The following CEP192 variants were observed in gnomAD, a reference collection of about 807,000 sequenced individuals.
CEP192 encodes centrosomal protein 192, also known as centrosomal protein of 192 kDa.
CEP192 carries 151 observed loss-of-function variants against 271.8 expected under a neutral mutation model. The ratio of observed to expected loss-of-function variants is 0.56; its 90% CI spans 0.49 to 0.64. The LOEUF is 0.64. Among genes scored for constraint, CEP192 ranks in the 30% least tolerant of loss-of-function variants. The pLI is 0.00. For missense variants in CEP192, 2,910 were observed against 3,020.5 expected, an observed-to-expected ratio of 0.96 and a Z score of 0.86; for synonymous variants, 995 against 1,076.5, an observed-to-expected ratio of 0.92 and a Z score of 1.48.
At chr18:13,080,637 C>T (rs1033302094) in intron 30 of CEP192, among the ~76,000 whole-genome samples, 2 of 152,188 alleles carry the variant, frequency 1.3e-5, no homozygotes, top group African/African-American at 2.4e-5. Flanking sequence ...ATTTCTTTCT[C>T]TTGCCTGATT....
intron 28 of CEP192, among the ~76,000 whole-genome samples, 161 bp downstream of exon 28, chr18:13,071,373 T>G (rs575031540): frequency 6.6e-6 from 1 of 152,346 alleles, no homozygotes; most frequent in South Asian, 2.1e-4. Flanking sequence ...ATTCAGCTTT[T>G]CTTTAACATA....
intron 4 of CEP192, among the ~76,000 whole-genome samples, chr18:13,010,057 G>A (rs2034245142): frequency 6.6e-6 from 1 of 152,052 alleles, no homozygotes; most frequent in African/African-American, 2.4e-5. Flanking sequence ...TACTTGGGAG[G>A]CTGAGGTGGG....
intron 36 of CEP192, among the ~76,000 whole-genome samples, chr18:13,099,193 G>GGGGAGA (rs957096589): frequency 2.3e-4 from 35 of 149,648 alleles, no homozygotes; most frequent in Admixed American, 1.3e-3. Context: ...GGAGGGGGAG[G>GGGGAGA]GGGAGAGGGA....
intron 5 of CEP192, 124 bp downstream of exon 5, chr18:13,013,149 C>T (rs150769834): frequency 1.5e-5 from 8 of 544,596 alleles, no homozygotes; most frequent in African/African-American, 1.4e-4. Flanking sequence ...AGAGCTCTAA[C>T]TTATCCAGCT....
chr18:13,045,412 C>G (rs916934041), intron 15 of CEP192, among the ~76,000 whole-genome samples: 5 of 152,108 alleles, frequency 3.3e-5, no homozygotes, highest in African/African-American at 4.8e-5. Flanking sequence ...GTACTGTAGT[C>G]AGAGAATTTT....
chr18:13,099,057 G>A (rs988049786), intron 36 of CEP192, among the ~76,000 whole-genome samples: 2 of 152,028 alleles, frequency 1.3e-5, no homozygotes, highest in African/African-American at 4.8e-5. Context: ...GCGCGCGCCT[G>A]CAATCGCAGG....
rs553895465 is a variant in CEP192, at chr18:13,099,554, C to A, written c.6636C>A (p.Ile2212=). The stretch of plus-strand genomic sequence containing the variant: ...CAATGTTCCCGTGGAGTGGTTTGAT[C>A]TATATACACTGTGACGATGGACAGA... The part of the protein sequence containing the change: ...KQSMFPWSGL[I]YIHCDDGQKK... The change falls in exon 37 of 45, where the codon ATC becomes ATA. Residue 2212 remains isoleucine (I), a synonymous_variant. Transcript: ENST00000506447. 1.3e-6 allele frequency: 2 copies of A among 1,586,920 alleles called. No homozygotes were observed. The highest frequency in any genetic ancestry group is 2.2e-5 in the East Asian group (1 of 44,658).
At chr18:12,993,662 A>G (rs923822477) in intron 1 of CEP192, among the ~76,000 whole-genome samples, 3 of 152,100 alleles carry the variant, frequency 2.0e-5, no homozygotes, top group East Asian at 1.9e-4. Context: ...AGTGCAGAGG[A>G]AAGAATACCC....
chr18:13,008,109 A>C (rs1193070854), intron 3 of CEP192, among the ~76,000 whole-genome samples: 1 of 152,262 alleles, frequency 6.6e-6, no homozygotes, highest in East Asian at 1.9e-4. Flanking sequence ...AAATATGCCA[A>C]TATCCTTTAA....
chr18:13,112,642 CCTTCCTTCATCTT>C (rs2040256999), intron 40 of CEP192, among the ~76,000 whole-genome samples: 1 of 152,192 alleles, frequency 6.6e-6, no homozygotes, highest in Non-Finnish European at 1.5e-5. Context: ...TTCACCCTTT[CCTTCCTTCATCTT>C]CTTAGTGTCC....
chr18:13,083,115 C>T (rs900645735), intron 30 of CEP192, among the ~76,000 whole-genome samples: 3 of 152,100 alleles, frequency 2.0e-5, no homozygotes, highest in African/African-American at 7.2e-5. Flanking sequence ...TTGCTCTTCT[C>T]GAGGAGTATC....
chr18:13,008,890 T>C (rs1410438543), intron 4 of CEP192, among the ~76,000 whole-genome samples: 3 of 152,090 alleles, frequency 2.0e-5, no homozygotes, highest in Non-Finnish European at 4.4e-5. Flanking sequence ...GTGTTTTTAA[T>C]AGAGACAGGG....
At chr18:13,121,593 T>C (rs2040662275) in intron 44 of CEP192, among the ~76,000 whole-genome samples, 1 of 152,244 alleles carries the variant, frequency 6.6e-6, no homozygotes, top group Non-Finnish European at 1.5e-5. Flanking sequence ...TTGTAAAGGT[T>C]CTTTTTTGAG....
intron 9 of CEP192, among the ~76,000 whole-genome samples, chr18:13,029,069 T>G (rs11080620): frequency 0.71 from 107,765 of 152,148 alleles, 39,350 homozygotes; most frequent in African/African-American, 0.89. Flanking sequence ...AAATGTCCAC[T>G]AACAGTACTG....
At chr18:13,000,893 C>T (rs975934154) in intron 2 of CEP192, among the ~76,000 whole-genome samples, 5 of 152,224 alleles carry the variant, frequency 3.3e-5, no homozygotes, top group African/African-American at 1.2e-4. Flanking sequence ...GCAGAGATTG[C>T]AGTGACCTGA....
intron 21 of CEP192, among the ~76,000 whole-genome samples, chr18:13,067,285 G>A (rs151232757): frequency 5.7e-4 from 87 of 152,272 alleles, no homozygotes; most frequent in Non-Finnish European, 9.9e-4. Context: ...ACATCCACGA[G>A]TTTTGATATC....
chr18:13,020,825 C>T (rs529804872), intron 9 of CEP192, among the ~76,000 whole-genome samples: 4 of 152,294 alleles, frequency 2.6e-5, no homozygotes, highest in Non-Finnish European at 4.4e-5. Context: ...TCCCTGATGA[C>T]AGTGATATTG....
At chr18:13,122,414 C>G (rs544254369) in intron 44 of CEP192, among the ~76,000 whole-genome samples, 4 of 151,040 alleles carry the variant, frequency 2.6e-5, no homozygotes, top group Non-Finnish European at 4.4e-5. Context: ...GAGCGAGACA[C>G]CGTCTCAAAA....
rs867054939 is a variant in CEP192, at chr18:13,067,919, C to T, written c.4577C>T (p.Thr1526Met). The change falls in exon 22 of 45, where the codon ACG becomes ATG. Residue 1526 changes from threonine to methionine, a missense_variant. Transcript: ENST00000506447. Reference sequence around the variant, plus strand: ...CTCCCACTAAAATTGATAAACCGAACGCATGCCACTGTGCCAATTAGACTG... The same window carrying T: ...CTCCCACTAAAATTGATAAACCGAATGCATGCCACTGTGCCAATTAGACTG... ...KALPLKLINR[T>M]HATVPIRLII... is the part of the protein sequence containing the mutation. 10 of 1,613,010 alleles carry T rather than the reference C, an allele frequency of 6.2e-6. No homozygotes were observed. Among genetic ancestry groups the T allele is most frequent in the African/African-American group, 1.3e-5 (1 of 75,010 alleles).
Sources: allele counts gnomAD v4.1 joint callset (sites outside exome capture counted in the v4.1 genomes callset), GRCh38; gene constraint gnomAD v4.1.1; transcripts MANE v1.5; gene names NCBI Gene and HGNC (gene_info 2026-07-23, HGNC 2026-07-21).